The following PFKFB2 variants were observed in gnomAD, a reference collection of about 807,000 sequenced individuals.
The protein encoded by PFKFB2 is 6-phosphofructo-2-kinase/fructose-2,6-bisphosphatase 2.
A neutral mutation model predicts 68.0 loss-of-function variants in PFKFB2; 53 were observed. The ratio of observed to expected loss-of-function variants is 0.78; its 90% CI spans 0.63 to 0.98. The LOEUF (loss-of-function observed/expected upper bound fraction) is 0.98, where lower values mean the gene tolerates loss of function less well. Ranked by LOEUF, PFKFB2 falls within the 50% of genes least tolerant of loss-of-function variation. The probability of loss-of-function intolerance (pLI) is 0.00; values close to 1 mark genes in which losing one functional copy is unlikely to be tolerated. For synonymous variants in PFKFB2, 222 were observed against 227.6 expected (o/e 0.98, Z 0.22); for missense variants, 451 against 642.0 (o/e 0.70, Z 3.22).
chr1:207,059,748 CT>C (rs142806334), intron 2 of PFKFB2, among the ~76,000 whole-genome samples: 2,238 of 152,296 alleles, frequency 0.015, 25 homozygotes, highest in Non-Finnish European at 0.023. Context: ...CCTTAGGAAA[CT>C]TTTCCTTCCG....
In PFKFB2 at chr1:207,063,131, C is replaced by T. The variant is rs1572724927; in HGVS notation, c.309-12C>T. The stretch of plus-strand genomic sequence containing the variant: ...TAGCTCTCCTTGCTGGTTTCATTTG[C>T]TCTTATGGCAGACAGTGTGCTCTGG... On this transcript the variant is annotated splice_polypyrimidine_tract_variant and intron_variant, in intron 4 of 14. Transcript: ENST00000367080. This position sits in a 1 kb window ranked among gnomAD's most constrained non-coding sequence, Gnocchi z 4.1. 1.2e-6 allele frequency: 2 copies of T among 1,612,124 alleles called. No homozygotes were observed. Among genetic ancestry groups the T allele is most frequent in the Non-Finnish European group, 1.7e-6 (2 of 1,178,226 alleles).
intron 2 of PFKFB2, chr1:207,044,582 CAT>C (rs1682549246): frequency 6.6e-6 from 1 of 152,338 alleles, no homozygotes; most frequent in Non-Finnish European, 1.5e-5. Flanking sequence ...CTTTTAAAAA[CAT>C]ATGTATAAAA....
rs552310576 is a variant in PFKFB2 at position 207,067,617 on chromosome 1, A to G, written c.751A>G (p.Thr251Ala). The change falls in exon 9 of 15, where the codon ACC becomes GCC. Residue 251 changes from threonine to alanine, a missense_variant. Transcript: ENST00000367080. ...YLMNIHVQPRTIYLCRHGESE... is the reference protein window; with the variant it reads ...YLMNIHVQPRAIYLCRHGESE... ...CATGAATATCCACGTCCAGCCTCGC[A>G]CCATTTACCTTTGCCGGCATGGAGA... 1.9e-6 allele frequency: 3 copies of G among 1,613,926 alleles called. No homozygotes were observed. The highest frequency in any genetic ancestry group is 2.2e-5 in the East Asian group (1 of 44,852).
upstream of PFKFB2, chr1:207,048,860 T>C: frequency 2.9e-6 from 2 of 683,402 alleles, no homozygotes; most frequent in South Asian, 3.8e-5. Flanking sequence ...CACACTAATT[T>C]TAATCTTAAC....
intron 2 of PFKFB2, among the ~76,000 whole-genome samples, chr1:207,055,701 G>C (rs1682899335): frequency 6.6e-6 from 1 of 151,766 alleles, no homozygotes; most frequent in Non-Finnish European, 1.5e-5. Flanking sequence ...TCAGCAGGTG[G>C]AAACAGCCGA....
At position 207,070,457 on chromosome 1, in the gene PFKFB2, G is replaced by A. The variant is rs756724489; in HGVS notation, c.1222+48G>A. 3 of 1,592,542 alleles carry A rather than the reference G, an allele frequency of 1.9e-6. No homozygotes were observed. In the East Asian group the frequency reaches 6.8e-5, roughly 36 times the overall value. Reference sequence around the variant, plus strand: ...GAGACACATCCAGTGGGAGAGGGCTGGACTTGCAGTGGCACCAGGATTCCT... The same window carrying A: ...GAGACACATCCAGTGGGAGAGGGCTAGACTTGCAGTGGCACCAGGATTCCT... On this transcript the variant is annotated intron_variant, in intron 12 of 14. Transcript: ENST00000367080. The surrounding 1 kb of genome is among the most constrained non-coding windows in gnomAD (Gnocchi z 4.2).
At chr1:207,050,712 G>A (rs36074761), upstream of PFKFB2, 3 of 1,613,046 alleles carry the variant, frequency 1.9e-6, no homozygotes, top group Admixed American at 1.7e-5. Flanking sequence ...AAGTCTTCCA[G>A]AATGGTATCC....
intron 10 of PFKFB2, among the ~76,000 whole-genome samples, chr1:207,069,176 C>A (rs912705514): frequency 5.3e-5 from 8 of 152,132 alleles, no homozygotes; most frequent in Non-Finnish European, 8.8e-5. Flanking sequence ...AAGTTCCCCC[C>A]AGTAGTAGGA....
chr1:207,051,107 ACT>A, upstream of PFKFB2: 2 of 1,432,576 alleles, frequency 1.4e-6, no homozygotes, highest in Non-Finnish European at 1.8e-6. Flanking sequence ...GCAAGCGCGA[ACT>A]CTTTTAAAGT....
At chr1:207,055,247 C>A (rs2102337174) in intron 2 of PFKFB2, among the ~76,000 whole-genome samples, 1 of 152,272 alleles carries the variant, frequency 6.6e-6, no homozygotes, top group Non-Finnish European at 1.5e-5. Flanking sequence ...TGCTTGGTTT[C>A]CTTCCTACAG....
intron 1 of PFKFB2, among the ~76,000 whole-genome samples, chr1:207,039,325 G>A (rs1167092199): frequency 1.3e-5 from 2 of 152,080 alleles, no homozygotes; most frequent in East Asian, 3.8e-4. Context: ...AAGAAAGTTT[G>A]GAATTCCAGT....
At chr1:207,071,102 T>A (rs1683452835) in intron 12 of PFKFB2, 86 bp from the exon 13 acceptor site, 1 of 1,072,616 alleles carries the variant, frequency 9.3e-7, no homozygotes, top group Admixed American at 1.8e-5. Context: ...AAACTCATTA[T>A]GAGCTCTGTA....
chr1:207,063,236 T>G lies in PFKFB2; in HGVS notation c.375+27T>G. On this transcript the variant is annotated intron_variant, in intron 5 of 14. Transcript: ENST00000367080. This position sits in a 1 kb window ranked among gnomAD's most constrained non-coding sequence, Gnocchi z 4.1. ...TAAGCTTTATCTGCTGCTTCTTCTT[T>G]CTGGTCCCCACCCTTGCAGCAGCCT... 6.2e-7 allele frequency: 1 copy of G among 1,608,432 alleles called. No homozygotes were observed. Among genetic ancestry groups the G allele is most frequent in the Non-Finnish European group, 8.5e-7 (1 of 1,174,800 alleles).
intron 2 of PFKFB2, chr1:207,047,379 T>G (rs1242858693): frequency 6.6e-6 from 1 of 152,542 alleles, no homozygotes; most frequent in Non-Finnish European, 1.5e-5. Context: ...TGTTCAAATG[T>G]TCCTTAATTT....
Position 207,070,466 on chromosome 1 carries a change from G to A in PFKFB2, c.1222+57G>A. ...CCAGTGGGAGAGGGCTGGACTTGCAGTGGCACCAGGATTCCTGGGAAACAG... is the reference window on the plus strand; with the variant it reads ...CCAGTGGGAGAGGGCTGGACTTGCAATGGCACCAGGATTCCTGGGAAACAG... On this transcript the variant is annotated intron_variant, in intron 12 of 14. Coordinates refer to ENST00000367080, the MANE Select transcript of PFKFB2 (RefSeq NM_006212.2). This position sits in a 1 kb window ranked among gnomAD's most constrained non-coding sequence, Gnocchi z 4.2. 3.2e-6 allele frequency: 5 copies of A among 1,579,368 alleles called. No individual in the cohort carries two copies. Among genetic ancestry groups the A allele is most frequent in the Non-Finnish European group, 4.3e-6 (5 of 1,156,884 alleles).
chr1:207,044,716 G>A (rs1242881491), intron 2 of PFKFB2: 3 of 152,396 alleles, frequency 2.0e-5, no homozygotes, highest in Non-Finnish European at 2.9e-5. Context: ...TGACACAAAG[G>A]CATTGCTTTA....
chr1:207,038,650 T>C (rs1465932340), intron 1 of PFKFB2, among the ~76,000 whole-genome samples: 1 of 152,210 alleles, frequency 6.6e-6, no homozygotes, highest in African/African-American at 2.4e-5. Flanking sequence ...AATTCGATTC[T>C]CCCACCCAAT....
At chr1:207,069,365 G>C (rs1299716539) in intron 10 of PFKFB2, 59 bp from the exon 11 acceptor site, 3 of 1,109,632 alleles carry the variant, frequency 2.7e-6, no homozygotes, top group Admixed American at 3.7e-5. Flanking sequence ...CCTTATTTGG[G>C]ATGGGGCTGG....
chr1:207,037,453 T>C (rs1311585953), intron 1 of PFKFB2, among the ~76,000 whole-genome samples: 1 of 152,218 alleles, frequency 6.6e-6, no homozygotes, highest in African/African-American at 2.4e-5. Context: ...ACCTTCTCTC[T>C]TCCATCCACA....
Sources: gnomAD v4.1 joint callset for allele counts (sites outside exome capture counted in the v4.1 genomes callset) on GRCh38, gnomAD v4.1.1 for gene constraint, Gnocchi (gnomAD v3.1) non-coding constraint, MANE v1.5 for transcripts, NCBI Gene and HGNC (gene_info 2026-07-23, HGNC 2026-07-21) for gene names.